ZNF473: variants seen among roughly 807,000 people sequenced by gnomAD.
ZNF473 encodes the protein zinc finger protein 100 homolog.
In ZNF473, 4 loss-of-function variants were observed where a neutral mutation model predicts 11.1. The observed-to-expected ratio is 0.36, with a 90% confidence interval of 0.18 to 0.82. ZNF473 has a LOEUF of 0.82. Ranked by LOEUF, ZNF473 falls within the 40% of genes least tolerant of loss-of-function variation. The probability of loss-of-function intolerance (pLI) is 0.49; values close to 1 mark genes in which losing one functional copy is unlikely to be tolerated. For synonymous variants in ZNF473, 404 were observed against 390.4 expected (o/e 1.03, Z -0.41); for missense variants, 854 against 1,084.0 (o/e 0.79, Z 2.98).
chr19:50,035,452 C>CATGT (rs147048927), intron 2 of ZNF473, among the ~76,000 whole-genome samples: 8 of 138,394 alleles, frequency 5.8e-5, no homozygotes, highest in Non-Finnish European at 9.3e-5. Context: ...TTCTTTCATA[C>CATGT]GTGTGTGTGT....
At chr19:50,030,648 T>C (rs2077312911) in intron 1 of ZNF473, among the ~76,000 whole-genome samples, 1 of 152,240 alleles carries the variant, frequency 6.6e-6, no homozygotes, top group Non-Finnish European at 1.5e-5. Flanking sequence ...CTTTTACACC[T>C]ACTGTTAAAG....
chr19:50,027,604 T>C (rs1568831438), intron 1 of ZNF473, among the ~76,000 whole-genome samples: 1 of 152,096 alleles, frequency 6.6e-6, no homozygotes, highest in Non-Finnish European at 1.5e-5. Context: ...AGCTCAGCTG[T>C]CTGTGAGGGC....
chr19:50,035,931 C>T (rs1459976995), intron 2 of ZNF473, among the ~76,000 whole-genome samples: 1 of 151,972 alleles, frequency 6.6e-6, no homozygotes, highest in Admixed American at 6.6e-5. Flanking sequence ...ACCTACTCAC[C>T]GTGTGCTGTG....
At chr19:50,043,177 G>C (rs1978869680) in intron 4 of ZNF473, 1 of 152,120 alleles carries the variant, frequency 6.6e-6, no homozygotes, top group Non-Finnish European at 1.5e-5. Flanking sequence ...GCTCATACCT[G>C]TAATCCCAGC....
At chr19:50,031,934 C>T (rs1026714059) in intron 2 of ZNF473, among the ~76,000 whole-genome samples, 4 of 152,038 alleles carry the variant, frequency 2.6e-5, no homozygotes, top group African/African-American at 9.7e-5. Flanking sequence ...CCCTCTCCCC[C>T]TTGGCCCACA....
Position 50,031,063 on chromosome 19 carries a change from C to A in ZNF473, c.-20C>A. The A allele has an allele frequency of 6.4e-7, 1 of 1,565,190 alleles. No individual in the cohort carries two copies. Among genetic ancestry groups the A allele is most frequent in the Non-Finnish European group, 8.7e-7 (1 of 1,154,382 alleles). ...GGAAGGAGGAGGAGCTTAAAAGAGG[C>A]TACTGAACCCCAGTTGGCCATGGCT... On this transcript the variant is annotated 5_prime_UTR_variant, in exon 2 of 5. Transcript: ENST00000270617.
At chr19:50,027,797 C>T (rs1424690281) in intron 1 of ZNF473, among the ~76,000 whole-genome samples, 1 of 152,020 alleles carries the variant, frequency 6.6e-6, no homozygotes, top group Non-Finnish European at 1.5e-5. Flanking sequence ...AAGCGATTCT[C>T]CTGCCTCAGC....
In ZNF473 at chr19:50,047,207, A is replaced by G. The variant is rs555505136; in HGVS notation, c.*148A>G. On this transcript the variant is annotated 3_prime_UTR_variant, in exon 5 of 5. Coordinates refer to ENST00000270617, the MANE Select transcript of ZNF473 (RefSeq NM_015428.4). The stretch of plus-strand genomic sequence containing the variant: ...GCGCATGTTTTTCATTATAACAATG[A>G]AAACACAAAAGTGGAGAAGCTGTAC... 382 of 733,102 alleles carry G rather than the reference A, an allele frequency of 5.2e-4. No individual in the cohort carries two copies. The highest frequency in any genetic ancestry group is 7.6e-4 in the Non-Finnish European group (350 of 461,196). The allele number at this position is 733,102 out of a possible 1,614,324, so 45.4% of individuals were successfully genotyped here. A position where few individuals can be genotyped will look rare whatever the true frequency, so the allele number is the denominator to read the frequency against.
At chr19:50,026,516 A>T (rs2077277934) in intron 1 of ZNF473, among the ~76,000 whole-genome samples, 1 of 147,414 alleles carries the variant, frequency 6.8e-6, no homozygotes, top group Non-Finnish European at 1.5e-5. Context: ...GCGCCATTGC[A>T]CTCCAGCCTG....
At chr19:50,033,652 T>C (rs1052237555) in intron 2 of ZNF473, among the ~76,000 whole-genome samples, 2 of 152,182 alleles carry the variant, frequency 1.3e-5, no homozygotes, top group African/African-American at 4.8e-5. Flanking sequence ...TCTTCAGGTC[T>C]GAATCCCAAA....
In ZNF473 at chr19:50,035,290, C is replaced by CA. The variant is rs879577744; in HGVS notation, c.10-3858dup. Among the ~76,000 whole-genome samples the CA allele has an allele frequency of 2.4e-3, 344 of 141,520 alleles. 5 individuals are homozygous for CA. Among genetic ancestry groups the CA allele is most frequent in the East Asian group, 0.021 (102 of 4,928 alleles). 92.8% of individuals were successfully genotyped at this position (141,520 alleles called of 152,430 possible). A position where few individuals can be genotyped will look rare whatever the true frequency, so the allele number is the denominator to read the frequency against. On this transcript the variant is annotated intron_variant, in intron 2 of 4. Transcript: ENST00000270617. Reference sequence around the variant, plus strand: ...CCTGGGTGACAGTGAGACCCTATCTCAAAAAAAAAAAAATTTATCTACTAT... The same window carrying CA: ...CCTGGGTGACAGTGAGACCCTATCTCAAAAAAAAAAAAAATTTATCTACTAT...
intron 2 of ZNF473, among the ~76,000 whole-genome samples, chr19:50,036,484 T>C (rs1161907690): frequency 6.6e-6 from 1 of 151,136 alleles, no homozygotes; most frequent in Non-Finnish European, 1.5e-5. Context: ...CAGCTAATTT[T>C]TTTTTTTTTT....
chr19:50,038,473 T>A (rs914332000), intron 2 of ZNF473, among the ~76,000 whole-genome samples: 2 of 152,020 alleles, frequency 1.3e-5, no homozygotes, highest in Admixed American at 1.3e-4. Context: ...TCACAGGAAA[T>A]GCGTGGCCAG....
chr19:50,034,977 G>A (rs1028269416), intron 2 of ZNF473, among the ~76,000 whole-genome samples: 1 of 152,104 alleles, frequency 6.6e-6, no homozygotes, highest in Non-Finnish European at 1.5e-5. Flanking sequence ...TTCTTTTCAT[G>A]TATTAGTTGG....
chr19:50,045,847 C>T lies in ZNF473; in HGVS notation c.1404C>T (p.Phe468=). The change falls in exon 5 of 5, where the codon TTC becomes TTT. Residue 468 remains phenylalanine, a synonymous_variant. Coordinates refer to ENST00000270617, the MANE Select transcript of ZNF473 (RefSeq NM_015428.4). ...AATGTCAGGAATGCGTCAGGAGTTT[C>T]AGCCGGCCCTCACATCTGATGCGAC... The part of the protein sequence containing the change: ...PHKCQECVRS[F]SRPSHLMRHQ... 1 of 1,614,108 alleles carries T rather than the reference C, an allele frequency of 6.2e-7. No individual in the cohort carries two copies. Among genetic ancestry groups the T allele is most frequent in the Admixed American group, 1.7e-5 (1 of 60,016 alleles).
chr19:50,026,546 A>C (rs1430170085), intron 1 of ZNF473, among the ~76,000 whole-genome samples: 7 of 141,006 alleles, frequency 5.0e-5, no homozygotes, highest in African/African-American at 8.2e-5. Context: ...GCGAGACTAC[A>C]TCTTAAAAAA....
At position 50,046,888 on chromosome 19, in the gene ZNF473, C is replaced by G. The variant is rs1979163418; in HGVS notation, c.2445C>G (p.Ser815=). ...QRIHTGEKPY[S]CNVCGKAFVL... ...TTCACACAGGGGAGAAGCCTTACTCCTGTAATGTGTGTGGCAAAGCTTTTG... is the reference window on the plus strand; with the variant it reads ...TTCACACAGGGGAGAAGCCTTACTCGTGTAATGTGTGTGGCAAAGCTTTTG... The change falls in exon 5 of 5, where the codon TCC becomes TCG. Residue 815 remains serine, a synonymous_variant. Coordinates refer to ENST00000270617, the MANE Select transcript of ZNF473 (RefSeq NM_015428.4). This position sits in a 1 kb window ranked among gnomAD's most constrained non-coding sequence, Gnocchi z 5.9. 1.9e-6 allele frequency: 3 copies of G among 1,614,074 alleles called. No individual in the cohort carries two copies. Among genetic ancestry groups the G allele is most frequent in the Non-Finnish European group, 2.5e-6 (3 of 1,180,046 alleles).
Position 50,041,784 on chromosome 19 carries a change from C to T in ZNF473, c.191C>T (p.Pro64Leu), listed in dbSNP as rs2122841876. ...SHPDGSEDLE[P>L]LAGGSPEATS... ...CCAGATGGCAGTGAAGATCTGGAGC[C>T]TCTGGCAGGAGGAAGCCCAGAAGCA... Residue 64 changes from proline (P) to leucine (L), a missense_variant, in exon 4 of 5, where the codon CCT becomes CTT. Coordinates refer to ENST00000270617, the MANE Select transcript of ZNF473 (RefSeq NM_015428.4). The T allele has an allele frequency of 1.9e-6, 3 of 1,612,930 alleles. No homozygotes were observed. The highest frequency in any genetic ancestry group is 1.7e-6 in the Non-Finnish European group (2 of 1,179,550).
chr19:50,045,651 A>T lies in ZNF473; in HGVS notation c.1208A>T (p.Tyr403Phe), dbSNP rs374171353. Residue 403 changes from tyrosine (Y) to phenylalanine (F), a missense_variant, in exon 5 of 5, where the codon TAT (tyrosine) becomes TTT (phenylalanine). This residue lies in a region of ZNF473 where 668 missense variants were observed against 790.2 expected (regional missense o/e 0.85). Coordinates refer to ENST00000270617, the MANE Select transcript of ZNF473 (RefSeq NM_015428.4). ...GCTCTTCATGCTGGAGAGGAGCCTT[A>T]TAAGTGTAACGAACGTGGGAAATCC... is the stretch of plus-strand genomic sequence containing the variant. ...HQALHAGEEP[Y>F]KCNERGKSFR... is the part of the protein sequence containing the mutation. The T allele has an allele frequency of 6.2e-7, 1 of 1,614,140 alleles. No homozygotes were observed. Among genetic ancestry groups the T allele is most frequent in the Non-Finnish European group, 8.5e-7 (1 of 1,180,006 alleles).
Sources: allele counts gnomAD v4.1 joint callset (sites outside exome capture counted in the v4.1 genomes callset), GRCh38; gene constraint gnomAD v4.1.1; regional missense constraint gnomAD v4.1.1; non-coding constraint Gnocchi (gnomAD v3.1); transcripts MANE v1.5; gene names NCBI Gene and HGNC (gene_info 2026-07-23, HGNC 2026-07-21).